Variants in ARFRP1 observed in about 807,000 individuals in gnomAD.
ARFRP1 encodes ARF related protein 1.
A neutral mutation model predicts 30.3 loss-of-function variants in ARFRP1; 19 were observed. That is an observed-to-expected ratio of 0.63 (90% CI 0.44 to 0.92). ARFRP1 has a LOEUF of 0.92. ARFRP1 is among the 40% of genes least tolerant of loss of function. The pLI, the probability that ARFRP1 is intolerant of heterozygous loss-of-function variation, is 0.00. For missense variants in ARFRP1, 245 were observed against 267.5 expected (o/e 0.92, Z 0.59); for synonymous variants, 133 against 114.2 (o/e 1.16, Z -1.05).
Position 63,698,851 on chromosome 20 carries a change from A to C in ARFRP1, c.*1592T>G, listed in dbSNP as rs1465503326. ...AGTGGGGAGTGCCACCTCTGCCCCC[A>C]GTGGCTGTGGCACGTGGCAGGGGCC... On this transcript the variant is annotated 3_prime_UTR_variant, in exon 8 of 8. Coordinates refer to ENST00000622789, the MANE Select transcript of ARFRP1 (RefSeq NM_001267547.3). 6.6e-6 allele frequency: 2 copies of C among 301,680 alleles called. No homozygotes were observed. Among genetic ancestry groups the C allele is most frequent in the East Asian group, 1.1e-4 (2 of 17,720 alleles). 18.7% of individuals were successfully genotyped at this position (301,680 alleles called of 1,614,324 possible).
rs6011038 is a variant in ARFRP1, at chr20:63,700,829, A to G, written c.418-127T>C. 3.6e-3 allele frequency: 4,621 copies of G among 1,301,052 alleles called. 132 individuals carry two copies. The African/African-American group carries it at 0.059, about 17-fold the overall frequency. The allele number at this position is 1,301,052 out of a possible 1,614,324, so 80.6% of individuals were successfully genotyped here. Reference sequence around the variant, plus strand: ...ACAGCCAGAGCTCCACCAGGGTCCCAGTGTCTCCCACAGAGACCACAGCAG... The same window carrying G: ...ACAGCCAGAGCTCCACCAGGGTCCCGGTGTCTCCCACAGAGACCACAGCAG... On this transcript the variant is annotated intron_variant, in intron 6 of 7. Transcript: ENST00000622789.
chr20:63,701,716 G>T, intron 6 of ARFRP1, 114 bp downstream of exon 6: 1 of 976,436 alleles, frequency 1.0e-6, no homozygotes, highest in Admixed American at 2.1e-5. Context: ...GAATGGCTCT[G>T]TACCCCCTGG....
At chr20:63,701,786 T>TG in intron 6 of ARFRP1, 44 bp downstream of exon 6, 3 of 1,533,722 alleles carry the variant, frequency 2.0e-6, no homozygotes, top group Non-Finnish European at 2.6e-6. Flanking sequence ...TGGGGGAGGC[T>TG]GGGGACTCGG....
chr20:63,704,031 C>G (rs2091336508), intron 4 of ARFRP1: 1 of 152,330 alleles, frequency 6.6e-6, no homozygotes, highest in African/African-American at 2.4e-5. Context: ...AATGGGAGCT[C>G]CCCAACTGCA....
rs1230409759 is a variant in ARFRP1 at position 63,702,230 on chromosome 20, AC to A, written c.265-14del. On this transcript the variant is annotated splice_polypyrimidine_tract_variant and intron_variant, in intron 4 of 7. Transcript: ENST00000622789. The stretch of plus-strand genomic sequence containing the variant: ...ACTCCGCATAATACTGGGAGGAAGC[AC>A]CAGGAGTTGGGGCTCAGTCCCCACC... 3 of 1,609,714 alleles carry A rather than the reference AC, an allele frequency of 1.9e-6. No homozygotes were observed. The highest frequency in any genetic ancestry group is 2.7e-5 in the African/African-American group (2 of 74,874).
chr20:63,701,434 C>A (rs765986805), intron 6 of ARFRP1: 2 of 499,182 alleles, frequency 4.0e-6, no homozygotes, highest in African/African-American at 1.9e-5. Context: ...ACAGATGCCA[C>A]CTCCAAGGGT....
At position 63,700,215 on chromosome 20, in the gene ARFRP1, T is replaced by C. The variant is rs1601228325; in HGVS notation, c.*228A>G. ...CCGCCGCTGCGCCCTGTGGAAAGGC[T>C]GCCGCTGCAGGGCCTGGGCCAGCCG... On this transcript the variant is annotated 3_prime_UTR_variant, in exon 8 of 8. Transcript: ENST00000622789. The C allele has an allele frequency of 1.6e-6, 1 of 608,850 alleles. No homozygotes were observed. Among genetic ancestry groups the C allele is most frequent in the African/African-American group, 1.9e-5 (1 of 53,712 alleles). 37.7% of individuals were successfully genotyped at this position (608,850 alleles called of 1,614,324 possible).
At chr20:63,707,164 G>A in intron 1 of ARFRP1, 67 bp from the exon 2 acceptor site, 1 of 1,408,520 alleles carries the variant, frequency 7.1e-7, no homozygotes, top group Non-Finnish European at 9.7e-7. Flanking sequence ...CTTCTCCACG[G>A]TGGTCAGTGG....
At chr20:63,701,053 T>C (rs1360302600) in intron 6 of ARFRP1, 1 of 398,618 alleles carries the variant, frequency 2.5e-6, no homozygotes, top group Non-Finnish European at 5.0e-6. Context: ...CCGGGGATGA[T>C]GGAGAGGTGG....
chr20:63,706,722 G>C lies in ARFRP1; in HGVS notation c.110C>G (p.Ser37Trp). The C allele has an allele frequency of 6.2e-7, 1 of 1,613,570 alleles. No individual in the cohort carries two copies. The highest frequency in any genetic ancestry group is 8.5e-7 in the Non-Finnish European group (1 of 1,179,570). Residue 37 changes from serine (S) to tryptophan (W), a missense_variant, in exon 3 of 8, where the codon TCG becomes TGG. Coordinates refer to ENST00000622789, the MANE Select transcript of ARFRP1 (RefSeq NM_001267547.3). ...GTAGTTCTTGTTAAATCGGGTTTTC[G>C]ACTGCTCCAGGAAGGTCTGAGGAGA... is the stretch of plus-strand genomic sequence containing the variant. ...NAGKTTFLEQ[S>W]KTRFNKNYKG...
At chr20:63,701,758 C>A in intron 6 of ARFRP1, 72 bp downstream of exon 6, 2 of 1,426,918 alleles carry the variant, frequency 1.4e-6, no homozygotes, top group East Asian at 2.5e-5. Flanking sequence ...TCTGGGTGCA[C>A]ACCTGCTCCC....
At chr20:63,707,314 C>T (rs2091531812) in intron 1 of ARFRP1, 1 of 552,286 alleles carries the variant, frequency 1.8e-6, no homozygotes, top group African/African-American at 1.9e-5. Flanking sequence ...ACTGCGACCT[C>T]TCCGCATACA....
intron 2 of ARFRP1, 34 bp from the exon 3 acceptor site, chr20:63,706,772 G>T: frequency 6.5e-7 from 1 of 1,531,280 alleles, no homozygotes. Context: ...ACACATCAAG[G>T]AGGGGCTATA....
At position 63,702,191 on chromosome 20, in the gene ARFRP1, G is replaced by A. The variant is rs1331755711; in HGVS notation, c.291C>T (p.Ile97=). 2 of 1,612,052 alleles carry A rather than the reference G, an allele frequency of 1.2e-6. No homozygotes were observed. Among genetic ancestry groups the A allele is most frequent in the Non-Finnish European group, 1.7e-6 (2 of 1,179,858 alleles). ...CCTCGTCGGTGGAGTCAATGACGTA[G>A]ATGACGCCGTGACACTCCGCATAAT... ...DKYYAECHGV[I]YVIDSTDEER... The change falls in exon 5 of 8, where the codon ATC becomes ATT. Residue 97 remains isoleucine, a synonymous_variant. Transcript: ENST00000622789.
At chr20:63,702,343 G>T (rs566634491) in intron 4 of ARFRP1, 126 bp from the exon 5 acceptor site, 142 of 852,894 alleles carry the variant, frequency 1.7e-4, no homozygotes, top group Non-Finnish European at 2.3e-4. Context: ...GCCCCCAACT[G>T]CAAGACCCTT....
intron 3 of ARFRP1, 31 bp from the exon 4 acceptor site, chr20:63,706,470 T>C (rs1568769746): frequency 6.2e-7 from 1 of 1,606,526 alleles, no homozygotes; most frequent in African/African-American, 1.3e-5. Flanking sequence ...GCAAGGCTCA[T>C]GACCTTGGTC....
intron 3 of ARFRP1, 36 bp downstream of exon 3, chr20:63,706,615 G>A (rs1303328330): frequency 6.4e-7 from 1 of 1,565,512 alleles, no homozygotes; most frequent in Non-Finnish European, 8.8e-7. Context: ...GCATCCTCAA[G>A]GCCCCAAACC....
At chr20:63,701,484 G>T in intron 6 of ARFRP1, 2 of 491,970 alleles carry the variant, frequency 4.1e-6, no homozygotes, top group Non-Finnish European at 7.8e-6. Flanking sequence ...TCCCACCAGG[G>T]CCCCAGCATC....
At chr20:63,700,727 G>T in intron 6 of ARFRP1, 25 bp from the exon 7 acceptor site, 1 of 1,606,992 alleles carries the variant, frequency 6.2e-7, no homozygotes, top group Non-Finnish European at 8.5e-7. Context: ...GCCGTGAGGA[G>T]CAGCCCCCAC....
Sources: gnomAD v4.1 joint callset for allele counts on GRCh38, gnomAD v4.1.1 for gene constraint, MANE v1.5 for transcripts, NCBI Gene and HGNC (gene_info 2026-07-23, HGNC 2026-07-21) for gene names.